PCDHGA5: variants seen among roughly 807,000 people sequenced by gnomAD.
PCDHGA5 encodes the protein protocadherin gamma subfamily A, 5.
Under a neutral mutation model 56.7 loss-of-function variants are expected in PCDHGA5, and 36 were observed. The ratio of observed to expected loss-of-function variants is 0.64; its 90% CI spans 0.49 to 0.84. The LOEUF (loss-of-function observed/expected upper bound fraction) is 0.84. Among genes scored for constraint, PCDHGA5 ranks in the 40% least tolerant of loss-of-function variants. PCDHGA5 has a pLI of 0.00. For synonymous variants in PCDHGA5, 563 were observed against 520.2 expected, an observed-to-expected ratio of 1.08 and a Z score of -1.12; for missense variants, 1,305 against 1,201.5, an observed-to-expected ratio of 1.09 and a Z score of -1.27.
In PCDHGA5 at chr5:141,365,924, G is replaced by C; in HGVS notation, c.1594G>C (p.Val532Leu). Residue 532 changes from valine to leucine, a missense_variant, in exon 1 of 4, where the codon GTG becomes CTG. By Grantham distance (32) the Val-to-Leu change is conservative. Coordinates refer to ENST00000518069, the MANE Select transcript of PCDHGA5 (RefSeq NM_018918.3). ...YEQLRDLQLW[V>L]TASDSGNPPL... ...GCAGTTGAGAGACCTACAGTTGTGG[G>C]TGACAGCCAGCGACAGTGGGAACCC... 6.2e-7 allele frequency: 1 copy of C among 1,614,212 alleles called. No individual in the cohort carries two copies. The highest frequency in any genetic ancestry group is 8.5e-7 in the Non-Finnish European group (1 of 1,180,042).
At chr5:141,501,326 CACACACA>C (rs1562200783) in intron 2 of PCDHGA5, among the ~76,000 whole-genome samples, 10 of 151,784 alleles carry the variant, frequency 6.6e-5, no homozygotes, top group African/African-American at 1.9e-4. Flanking sequence ...CACACACACA[CACACACA>C]CCCCAAACTC....
chr5:141,428,513 AAAG>A (rs891793310), intron 1 of PCDHGA5: 2 of 280,938 alleles, frequency 7.1e-6, no homozygotes, highest in Non-Finnish European at 1.4e-5. Context: ...GATTCTAGAA[AAAG>A]AAGATTTAAT....
chr5:141,491,966 G>A lies in PCDHGA5; in HGVS notation c.2422-2841G>A. 1.1e-6 allele frequency: 1 copy of A among 943,066 alleles called. No individual in the cohort carries two copies. Among genetic ancestry groups the A allele is most frequent in the Non-Finnish European group, 1.5e-6 (1 of 669,210 alleles). The allele number at this position is 943,066 out of a possible 1,614,324, so 58.4% of individuals were successfully genotyped here. On this transcript the variant is annotated intron_variant, in intron 1 of 3. Coordinates refer to ENST00000518069, the MANE Select transcript of PCDHGA5 (RefSeq NM_018918.3). The surrounding 1 kb of genome is among the most constrained non-coding windows in gnomAD (Gnocchi z 6.9). ...CCACCCCTACACTCAAAAAAGGCCG[G>A]GGCCTCCTTCGAGCTTCCGGTGAAT...
At chr5:141,375,266 G>A in intron 1 of PCDHGA5, 1 of 1,613,846 alleles carries the variant, frequency 6.2e-7, no homozygotes, top group Non-Finnish European at 8.5e-7. Flanking sequence ...ATTTGAATTG[G>A]AAAAATCAGT....
rs56854727 is a variant in PCDHGA5, at chr5:141,438,635, TACACACAC to T, written c.2422-56162_2422-56155del. ...ATATATATATATATATATATATATA[TACACACAC>T]ACACACACATATATGTATATATATA... On this transcript the variant is annotated intron_variant, in intron 1 of 3. Transcript: ENST00000518069. Among the ~76,000 whole-genome samples, 72 of 33,376 alleles carry T rather than the reference TACACACAC, an allele frequency of 2.2e-3. 1 individual carries two copies. Among genetic ancestry groups the T allele is most frequent in the Non-Finnish European group, 3.0e-3 (57 of 18,970 alleles). The allele number at this position is 33,376 out of a possible 152,430, so 21.9% of individuals were successfully genotyped here.
At chr5:141,500,509 G>A (rs1048476645) in intron 2 of PCDHGA5, among the ~76,000 whole-genome samples, 19 of 152,100 alleles carry the variant, frequency 1.2e-4, no homozygotes, top group South Asian at 4.2e-4. Context: ...GCGCCTGGCC[G>A]AGCTTCATTT....
Position 141,494,880 on chromosome 5 carries a change from C to T in PCDHGA5, c.2480+15C>T. On this transcript the variant is annotated intron_variant, in intron 2 of 3. Transcript: ENST00000518069. ...GGCACCAGCGGGTAGGTGACTGATT[C>T]TCCAGCCCACCCTCTTCTCTGCGGC... 3 of 1,614,158 alleles carry T rather than the reference C, an allele frequency of 1.9e-6. No homozygotes were observed. Among genetic ancestry groups the T allele is most frequent in the Non-Finnish European group, 1.7e-6 (2 of 1,180,012 alleles).
intron 2 of PCDHGA5, among the ~76,000 whole-genome samples, chr5:141,496,775 GCAGGGCC>G (rs1025427712): frequency 6.6e-6 from 1 of 152,038 alleles, no homozygotes; most frequent in Non-Finnish European, 1.5e-5. Flanking sequence ...TCTACTATGA[GCAGGGCC>G]CTGTGCTAAA....
intron 1 of PCDHGA5, among the ~76,000 whole-genome samples, chr5:141,460,763 T>A (rs904048213): frequency 4.6e-5 from 7 of 152,170 alleles, no homozygotes; most frequent in Admixed American, 1.3e-4. Context: ...ATATACATAT[T>A]GCATATGTAT....
chr5:141,469,756 A>G (rs2099210350), intron 1 of PCDHGA5, among the ~76,000 whole-genome samples: 1 of 152,252 alleles, frequency 6.6e-6, no homozygotes. Context: ...ACAAAAATAC[A>G]TATATACCAG....
At chr5:141,388,866 C>T in intron 1 of PCDHGA5, 1 of 1,613,950 alleles carries the variant, frequency 6.2e-7, no homozygotes, top group Non-Finnish European at 8.5e-7. Flanking sequence ...AATGATTGCG[C>T]AATGCACAGT....
Position 141,510,964 on chromosome 5 carries a change from T to C in PCDHGA5, c.2587T>C (p.Ser863Pro), listed in dbSNP as rs1237904575. 6.2e-7 allele frequency: 1 copy of C among 1,614,084 alleles called. No individual in the cohort carries two copies. Among genetic ancestry groups the C allele is most frequent in the South Asian group, 1.1e-5 (1 of 91,082 alleles). The change falls in exon 4 of 4, where the codon TCC becomes CCC. Residue 863 changes from serine to proline, a missense_variant. Coordinates refer to ENST00000518069, the MANE Select transcript of PCDHGA5 (RefSeq NM_018918.3). ...CTCTGCAGAAGCTGCTGATGGGAGC[T>C]CCACCCTGGGAGGGGGTGCCGGCAC... is the stretch of plus-strand genomic sequence containing the variant. The part of the protein sequence containing the change: ...ASASEAADGS[S>P]TLGGGAGTMG...
At chr5:141,370,806 A>C in intron 1 of PCDHGA5, 1 of 1,614,054 alleles carries the variant, frequency 6.2e-7, no homozygotes, top group Non-Finnish European at 8.5e-7. Context: ...CCAAAATATC[A>C]CTGAGCTGGA....
intron 1 of PCDHGA5, chr5:141,423,189 T>A (rs2096719374): frequency 1.2e-6 from 2 of 1,613,562 alleles, no homozygotes; most frequent in Non-Finnish European, 8.5e-7. Flanking sequence ...GCCAGCCCCC[T>A]CTCTCGGCCA....
intron 3 of PCDHGA5, 110 bp downstream of exon 3, chr5:141,505,591 G>A (rs2099846959): frequency 6.4e-7 from 1 of 1,570,162 alleles, no homozygotes; most frequent in Non-Finnish European, 8.7e-7. Context: ...AGTTTCTCCA[G>A]ATCTTTCGGC....
At position 141,485,656 on chromosome 5, in the gene PCDHGA5, T is replaced by C. The variant is rs147216126; in HGVS notation, c.2422-9151T>C. On this transcript the variant is annotated intron_variant, in intron 1 of 3. Coordinates refer to ENST00000518069, the MANE Select transcript of PCDHGA5 (RefSeq NM_018918.3). This position sits in a 1 kb window ranked among gnomAD's most constrained non-coding sequence, Gnocchi z 5.7. ...CGTTGGAAAAGGCTCAGGATGCAGA[T>C]GTGGGGAGCAATTCGATTAGCAGCT... 23 of 1,612,648 alleles carry C rather than the reference T, an allele frequency of 1.4e-5. No homozygotes were observed. The African/African-American group carries it at 2.8e-4, about 20-fold the overall frequency.
chr5:141,404,908 C>T, intron 1 of PCDHGA5: 1 of 1,613,882 alleles, frequency 6.2e-7, no homozygotes, highest in Non-Finnish European at 8.5e-7. Context: ...ATGGCCAGCC[C>T]CCTCTCTCGG....
At chr5:141,452,854 A>G (rs137963870) in intron 1 of PCDHGA5, among the ~76,000 whole-genome samples, 109 of 152,264 alleles carry the variant, frequency 7.2e-4, no homozygotes, top group African/African-American at 2.5e-3. Flanking sequence ...CTCTGGGGAG[A>G]TGATTTTCTA....
At chr5:141,375,949 C>T (rs759212599) in intron 1 of PCDHGA5, 36 of 1,613,450 alleles carry the variant, frequency 2.2e-5, no homozygotes, top group African/African-American at 2.7e-5. Flanking sequence ...TGGGCCTGCA[C>T]ACGGGCGAGG....
Sources: allele counts gnomAD v4.1 joint callset (sites outside exome capture counted in the v4.1 genomes callset), GRCh38; gene constraint gnomAD v4.1.1; non-coding constraint Gnocchi (gnomAD v3.1); transcripts MANE v1.5; gene names NCBI Gene and HGNC (gene_info 2026-07-23, HGNC 2026-07-21).